RNFT2: variants seen among roughly 807,000 people sequenced by gnomAD.
RNFT2 encodes the protein ring finger protein, transmembrane 2, also known as E3 ubiquitin-protein ligase RNFT2.
A neutral mutation model predicts 53.0 loss-of-function variants in RNFT2; 36 were observed. That is an observed-to-expected ratio of 0.68 (90% confidence interval 0.52 to 0.90). The LOEUF is 0.90. RNFT2 is among the 40% of genes least tolerant of loss of function. The probability of loss-of-function intolerance (pLI) is 0.00; values close to 1 mark genes in which losing one functional copy is unlikely to be tolerated. For synonymous variants in RNFT2, 260 were observed against 253.2 expected (o/e 1.03, Z -0.26); for missense variants, 514 against 585.6 (o/e 0.88, Z 1.26).
At chr12:116,776,873 G>A (rs1033878931) in intron 6 of RNFT2, among the ~76,000 whole-genome samples, 2 of 151,076 alleles carry the variant, frequency 1.3e-5, no homozygotes, top group Non-Finnish European at 2.9e-5. Flanking sequence ...GCAGGAAGGT[G>A]ACTCCACCTC....
chr12:116,815,901 T>C (rs1366833680), intron 7 of RNFT2, among the ~76,000 whole-genome samples: 2 of 152,092 alleles, frequency 1.3e-5, no homozygotes, highest in African/African-American at 4.8e-5. Flanking sequence ...TTTGTCAAGT[T>C]TGAAGTCATG....
At chr12:116,782,093 A>AAAAAAAAAAAAAAAAAAAAAAAG in intron 7 of RNFT2, 1 of 149,436 alleles carries the variant, frequency 6.7e-6, no homozygotes, top group Non-Finnish European at 1.5e-5. Flanking sequence ...AAAAAAAAAA[A>AAAAAAAAAAAAAAAAAAAAAAAG]ATGTGGACAT....
At position 116,836,182 on chromosome 12, in the gene RNFT2, AC is replaced by A; in HGVS notation, c.1101del (p.Tyr368MetfsTer28). The A allele has an allele frequency of 6.3e-7, 1 of 1,595,378 alleles. No homozygotes were observed. Among genetic ancestry groups the A allele is most frequent in the Non-Finnish European group, 8.5e-7 (1 of 1,170,798 alleles). ...KALKLLCTSQ[N>X]YGVRATGQQC... Reference sequence around the variant, plus strand: ...ATTTGCTTCTCCCCTCCCTCAAAGAACTATGGAGTCCGAGCCACCGGGCAGC... The same window carrying A: ...ATTTGCTTCTCCCCTCCCTCAAAGAATATGGAGTCCGAGCCACCGGGCAGC... On this transcript the variant is annotated frameshift_variant and splice_region_variant, in exon 10 of 11. Coordinates refer to ENST00000257575, the MANE Select transcript of RNFT2 (RefSeq NM_001382266.1). LOFTEE classifies it high-confidence loss of function.
rs556452301 is a variant in RNFT2, at chr12:116,798,469, C to A, written c.882+19121C>A. ...TGTTTGAGAAACCCTCTGCCATTTA[C>A]CAGCTTTGGGACCTTAGCAAGGTAG... On this transcript the variant is annotated intron_variant, in intron 7 of 10. Coordinates refer to ENST00000257575, the MANE Select transcript of RNFT2 (RefSeq NM_001382266.1). Among the ~76,000 whole-genome samples the A allele has an allele frequency of 2.0e-4, 30 of 152,332 alleles. 1 individual carries two copies. The South Asian group carries it at 5.6e-3, about 28-fold the overall frequency.
chr12:116,852,158 G>A lies in RNFT2; in HGVS notation c.*2710G>A. On this transcript the variant is annotated 3_prime_UTR_variant, in exon 11 of 11. Coordinates refer to ENST00000257575, the MANE Select transcript of RNFT2 (RefSeq NM_001382266.1). ...TTGCCTGCCCTATTCCTCCTCCCAAGTCTGTTCTCTTATTGTCAACCTCAG... is the reference window on the plus strand; with the variant it reads ...TTGCCTGCCCTATTCCTCCTCCCAAATCTGTTCTCTTATTGTCAACCTCAG... The A allele has an allele frequency of 9.0e-7, 1 of 1,105,952 alleles. No homozygotes were observed. The highest frequency in any genetic ancestry group is 1.2e-6 in the Non-Finnish European group (1 of 821,878). The allele number at this position is 1,105,952 out of a possible 1,614,324, so 68.5% of individuals were successfully genotyped here.
chr12:116,738,986 G>C lies in RNFT2; in HGVS notation c.-154+616G>C, dbSNP rs76958378. ...ATATATGAAGATGCTGCTGCTGACCGGTTTGTTACCTAATTTTTCAAAAGA... is the reference window on the plus strand; with the variant it reads ...ATATATGAAGATGCTGCTGCTGACCCGTTTGTTACCTAATTTTTCAAAAGA... On this transcript the variant is annotated intron_variant, in intron 1 of 10. Coordinates refer to ENST00000257575, the MANE Select transcript of RNFT2 (RefSeq NM_001382266.1). Among the ~76,000 whole-genome samples the C allele has an allele frequency of 3.2e-3, 489 of 152,178 alleles. 5 individuals are homozygous for C. The highest frequency in any genetic ancestry group is 0.011 in the African/African-American group (469 of 41,528).
intron 7 of RNFT2, chr12:116,782,092 A>AAAAAAAAAAAAAAAAAAAAAAAAG (rs1873739865): frequency 6.7e-6 from 1 of 149,528 alleles, no homozygotes; most frequent in Non-Finnish European, 1.5e-5. Context: ...AAAAAAAAAA[A>AAAAAAAAAAAAAAAAAAAAAAAAG]AATGTGGACA....
chr12:116,819,685 C>T (rs1216353090), intron 7 of RNFT2, among the ~76,000 whole-genome samples: 1 of 152,214 alleles, frequency 6.6e-6, no homozygotes, highest in East Asian at 1.9e-4. Flanking sequence ...GGCCCCGCCT[C>T]CTACCTGCTG....
intron 7 of RNFT2, among the ~76,000 whole-genome samples, chr12:116,801,804 TTTTGTTTG>T (rs150647298): frequency 0.023 from 3,478 of 148,222 alleles, 140 homozygotes; most frequent in African/African-American, 0.084. Flanking sequence ...GTGGGGTTTT[TTTTGTTTG>T]TTTGTTTGTT....
At position 116,806,376 on chromosome 12, in the gene RNFT2, AAAAAAATAT is replaced by A. The variant is rs1555207548; in HGVS notation, c.882+27030_882+27038del. Among the ~76,000 whole-genome samples, 274 of 127,258 alleles carry A rather than the reference AAAAAAATAT, an allele frequency of 2.2e-3. 3 individuals carry two copies. Among genetic ancestry groups the A allele is most frequent in the Admixed American group, 6.9e-3 (93 of 13,546 alleles). The allele number at this position is 127,258 out of a possible 152,430, so 83.5% of individuals were successfully genotyped here. On this transcript the variant is annotated intron_variant, in intron 7 of 10. Transcript: ENST00000257575. ...CAGAGTGAGACTGTCTCAAAAAAAA[AAAAAAATAT>A]ATATATATATATATAGATAGATAGA...
Position 116,842,622 on chromosome 12 carries a change from A to G in RNFT2, c.1200+6340A>G, listed in dbSNP as rs966490213. ...AGAGTCTCCCTCTGTCACCCAGGCTAGAGTGCAGTGGCATGGTCTTGGCTC... is the reference window on the plus strand; with the variant it reads ...AGAGTCTCCCTCTGTCACCCAGGCTGGAGTGCAGTGGCATGGTCTTGGCTC... On this transcript the variant is annotated intron_variant, in intron 10 of 10. Transcript: ENST00000257575. 5.9e-5 allele frequency among the ~76,000 whole-genome samples: 9 copies of G among 152,012 alleles called. 1 individual carries two copies. Among genetic ancestry groups the G allele is most frequent in the South Asian group, 2.1e-4 (1 of 4,814 alleles).
At chr12:116,801,420 A>G (rs1874786587) in intron 7 of RNFT2, 1 of 152,244 alleles carries the variant, frequency 6.6e-6, no homozygotes, top group Admixed American at 6.5e-5. Flanking sequence ...GCCCTGTGGA[A>G]TCGTCGAAAG....
chr12:116,840,423 A>G (rs1877191449), intron 10 of RNFT2, among the ~76,000 whole-genome samples: 1 of 152,210 alleles, frequency 6.6e-6, no homozygotes, highest in African/African-American at 2.4e-5. Context: ...GGCCATGCCC[A>G]TTCCACAAGG....
intron 7 of RNFT2, among the ~76,000 whole-genome samples, chr12:116,804,525 GTTTC>G (rs779715475): frequency 3.9e-5 from 6 of 152,114 alleles, no homozygotes; most frequent in Admixed American, 6.5e-5. Context: ...CAATTAGATT[GTTTC>G]TTTATTTTTT....
At chr12:116,754,592 A>G (rs776970219) in intron 5 of RNFT2, among the ~76,000 whole-genome samples, 6 of 152,128 alleles carry the variant, frequency 3.9e-5, no homozygotes, top group Non-Finnish European at 8.8e-5. Context: ...GTACTAGTTT[A>G]CATTCCCACC....
chr12:116,775,285 A>G (rs1873383182), intron 6 of RNFT2, among the ~76,000 whole-genome samples: 1 of 141,150 alleles, frequency 7.1e-6, no homozygotes, highest in Non-Finnish European at 1.5e-5. Context: ...AAAAAGAGAG[A>G]GAGAAGAGCA....
chr12:116,785,638 G>T (rs1299940920), intron 7 of RNFT2, among the ~76,000 whole-genome samples: 1 of 152,082 alleles, frequency 6.6e-6, no homozygotes, highest in Non-Finnish European at 1.5e-5. Flanking sequence ...TGTAAGACCC[G>T]GCCCAGCACT....
At chr12:116,764,828 G>A (rs1872841780) in intron 5 of RNFT2, among the ~76,000 whole-genome samples, 1 of 152,156 alleles carries the variant, frequency 6.6e-6, no homozygotes, top group African/African-American at 2.4e-5. Flanking sequence ...GGAGGCGGAG[G>A]TTGCAATGAG....
chr12:116,800,706 CAG>C (rs1565864136), intron 7 of RNFT2, among the ~76,000 whole-genome samples: 2 of 151,546 alleles, frequency 1.3e-5, no homozygotes, highest in Admixed American at 6.6e-5. Flanking sequence ...CCCAGCTACT[CAG>C]GGGGCTGAGG....
Sources: gnomAD v4.1 joint callset for allele counts (sites outside exome capture counted in the v4.1 genomes callset) on GRCh38, gnomAD v4.1.1 for gene constraint, MANE v1.5 for transcripts, NCBI Gene and HGNC (gene_info 2026-07-23, HGNC 2026-07-21) for gene names.